TPRKB: variants seen among roughly 807,000 people sequenced by gnomAD.
TPRKB encodes the protein EKC/KEOPS complex subunit TPRKB.
Under a neutral mutation model 17.8 loss-of-function variants are expected in TPRKB, and 11 were observed. The observed-to-expected ratio is 0.62, with a 90% confidence interval of 0.39 to 1.02. The LOEUF (loss-of-function observed/expected upper bound fraction) is 1.02. TPRKB is among the 50% of genes least tolerant of loss of function. TPRKB has a pLI of 0.00. For synonymous variants in TPRKB, 71 were observed against 69.5 expected, an observed-to-expected ratio of 1.02 and a Z score of -0.11; for missense variants, 228 against 198.0, an observed-to-expected ratio of 1.15 and a Z score of -0.91.
chr2:73,729,914 T>C lies in TPRKB; in HGVS notation c.*29A>G, dbSNP rs1223069696. 3 of 1,508,530 alleles carry C rather than the reference T, an allele frequency of 2.0e-6. No individual in the cohort carries two copies. The highest frequency in any genetic ancestry group is 2.8e-5 in the African/African-American group (2 of 72,168). 93.4% of individuals were successfully genotyped at this position (1,508,530 alleles called of 1,614,324 possible). A position where few individuals can be genotyped will look rare whatever the true frequency, so the allele number is the denominator to read the frequency against. On this transcript the variant is annotated 3_prime_UTR_variant, in exon 5 of 5. Coordinates refer to ENST00000272424, the MANE Select transcript of TPRKB (RefSeq NM_016058.5). ...GGAAAATCAATGTTTTCTTTAATGC[T>C]GAGAATTTTTGTTAATATTTCTGAC...
intron 1 of TPRKB, among the ~76,000 whole-genome samples, 186 bp from the exon 2 acceptor site, chr2:73,734,777 T>C (rs1671803698): frequency 6.6e-6 from 1 of 152,240 alleles, no homozygotes; most frequent in African/African-American, 2.4e-5. Context: ...AGTTGTTCTG[T>C]TGTCATCCCC....
intron 2 of TPRKB, 67 bp downstream of exon 2, chr2:73,734,362 G>C (rs1215185533): frequency 2.0e-6 from 3 of 1,521,070 alleles, no homozygotes; most frequent in Non-Finnish European, 2.7e-6. Context: ...GCCTCCTAAA[G>C]TGCTGGCATT....
rs373441862 is a variant in TPRKB at position 73,729,935 on chromosome 2, C to A, written c.*8G>T. 4 of 1,516,828 alleles carry A rather than the reference C, an allele frequency of 2.6e-6. No homozygotes were observed. In the African/African-American group the frequency reaches 4.2e-5, roughly 16 times the overall value. 94.0% of individuals were successfully genotyped at this position (1,516,828 alleles called of 1,614,324 possible). A position where few individuals can be genotyped will look rare whatever the true frequency, so the allele number is the denominator to read the frequency against. ...ATGCTGAGAATTTTTGTTAATATTT[C>A]TGACATTTCATAAAACATCTTTTGT... On this transcript the variant is annotated 3_prime_UTR_variant, in exon 5 of 5. Coordinates refer to ENST00000272424, the MANE Select transcript of TPRKB (RefSeq NM_016058.5).
At chr2:73,734,266 T>C (rs1365680709) in intron 2 of TPRKB, among the ~76,000 whole-genome samples, 163 bp downstream of exon 2, 1 of 151,832 alleles carries the variant, frequency 6.6e-6, no homozygotes, top group Admixed American at 6.6e-5. Flanking sequence ...GCCCAGCTAA[T>C]TTTTGTATTT....
rs2103832686 is a variant in TPRKB at position 73,729,923 on chromosome 2, T to C, written c.*20A>G. The C allele has an allele frequency of 6.6e-7, 1 of 1,525,498 alleles. No individual in the cohort carries two copies. The highest frequency in any genetic ancestry group is 1.2e-5 in the South Asian group (1 of 80,782). The allele number at this position is 1,525,498 out of a possible 1,614,324, so 94.5% of individuals were successfully genotyped here. A position where few individuals can be genotyped will look rare whatever the true frequency, so the allele number is the denominator to read the frequency against. ...ATGTTTTCTTTAATGCTGAGAATTT[T>C]TGTTAATATTTCTGACATTTCATAA... On this transcript the variant is annotated 3_prime_UTR_variant, in exon 5 of 5. Coordinates refer to ENST00000272424, the MANE Select transcript of TPRKB (RefSeq NM_016058.5).
At chr2:73,733,765 C>T (rs1671741911) in intron 2 of TPRKB, among the ~76,000 whole-genome samples, 1 of 150,104 alleles carries the variant, frequency 6.7e-6, no homozygotes, top group South Asian at 2.1e-4. Flanking sequence ...TACCCTATAA[C>T]ATCACAAATA....
intron 2 of TPRKB, among the ~76,000 whole-genome samples, chr2:73,733,246 G>GTTTTTTTTTTTTTTTTTTTTTT (rs3076394): frequency 1.7e-5 from 2 of 119,378 alleles, no homozygotes. Context: ...CGTGTGCCCT[G>GTTTTTTTTTTTTTTTTTTTTTT]TTTTTTTGTT....
chr2:73,732,781 T>A (rs989475861), intron 2 of TPRKB: 9 of 152,886 alleles, frequency 5.9e-5, no homozygotes, highest in African/African-American at 2.2e-4. Context: ...ATTTTAAAGC[T>A]GCAAGGAACT....
intron 3 of TPRKB, 169 bp downstream of exon 3, chr2:73,731,990 ACTGT>A (rs1671632524): frequency 4.8e-6 from 3 of 630,888 alleles, no homozygotes; most frequent in Non-Finnish European, 7.7e-6. Context: ...TCATATGTAA[ACTGT>A]CTTAGTAAGA....
rs770892101 is a variant in TPRKB, at chr2:73,734,561, T to C, written c.9A>G (p.Leu3=). 6.2e-7 allele frequency: 1 copy of C among 1,609,126 alleles called. No individual in the cohort carries two copies. Among genetic ancestry groups the C allele is most frequent in the South Asian group, 1.1e-5 (1 of 89,954 alleles). Residue 3 remains leucine (L), a synonymous_variant, in exon 2 of 5, where the codon TTA becomes TTG. Coordinates refer to ENST00000272424, the MANE Select transcript of TPRKB (RefSeq NM_016058.5). ...CGGGAAATAGGTCCAGCTGATGTGT[T>C]AACTGCATTTCACAGATAAGCAGGA... MQ[L]THQLDLFPEC...
chr2:73,729,998 A>G lies in TPRKB; in HGVS notation c.473T>C (p.Ile158Thr). ...AATGATAGCATCCAATAATGTCCCA[A>G]TACTTTCTTCTTGTGAAGAGAGTTT... ...IYKLSSQEESIGTLLDAIICR... is the reference protein window; with the variant it reads ...IYKLSSQEESTGTLLDAIICR... The change falls in exon 5 of 5, where the codon ATT becomes ACT. Residue 158 changes from isoleucine (I) to threonine (T), a missense_variant. Transcript: ENST00000272424. The G allele has an allele frequency of 1.3e-6, 2 of 1,575,118 alleles. No individual in the cohort carries two copies. Among genetic ancestry groups the G allele is most frequent in the East Asian group, 2.3e-5 (1 of 44,014 alleles).
chr2:73,736,935 C>G (rs1671911891), intron 1 of TPRKB, among the ~76,000 whole-genome samples: 1 of 152,140 alleles, frequency 6.6e-6, no homozygotes, highest in Non-Finnish European at 1.5e-5. Flanking sequence ...CCCTATCGGA[C>G]AGGTAGTTCC....
In TPRKB at chr2:73,733,450, G is replaced by T. The variant is rs772353022; in HGVS notation, c.141+979C>A. Reference sequence around the variant, plus strand: ...CTTTTTGTATTTTTAGTAGAGACACGGTTTCACTATGTAGGCCAGGCTGGT... The same window carrying T: ...CTTTTTGTATTTTTAGTAGAGACACTGTTTCACTATGTAGGCCAGGCTGGT... On this transcript the variant is annotated intron_variant, in intron 2 of 4. Transcript: ENST00000272424. Among the ~76,000 whole-genome samples the T allele has an allele frequency of 1.3e-5, 2 of 151,940 alleles. 1 individual carries two copies. The highest frequency in any genetic ancestry group is 2.9e-5 in the Non-Finnish European group (2 of 67,976).
intron 4 of TPRKB, 163 bp from the exon 5 acceptor site, chr2:73,730,192 A>G: frequency 1.2e-6 from 1 of 827,984 alleles, no homozygotes; most frequent in Non-Finnish European, 1.7e-6. Flanking sequence ...AGGGCAATTC[A>G]TTACTTGTAT....
intron 2 of TPRKB, 22 bp downstream of exon 2, chr2:73,734,407 C>A: frequency 6.2e-7 from 1 of 1,602,338 alleles, no homozygotes; most frequent in Non-Finnish European, 8.5e-7. Context: ...CAGGCTCATT[C>A]ATTCTTAAAA....
At chr2:73,736,031 AAC>A (rs1287094633) in intron 1 of TPRKB, among the ~76,000 whole-genome samples, 69 of 152,348 alleles carry the variant, frequency 4.5e-4, no homozygotes, top group African/African-American at 1.5e-3. Context: ...TGGAAAACAA[AAC>A]ACAAACTGGC....
In TPRKB at chr2:73,730,650, T is replaced by C. The variant is rs1293101426; in HGVS notation, c.351A>G (p.Ile117Met). Residue 117 changes from isoleucine to methionine, a missense_variant, in exon 4 of 5, where the codon ATA (isoleucine) becomes ATG (methionine). Coordinates refer to ENST00000272424, the MANE Select transcript of TPRKB (RefSeq NM_016058.5). ...IVYIEEGEKQINQEYLISQVE... is the reference protein window; with the variant it reads ...IVYIEEGEKQMNQEYLISQVE... ...CTTGAGATATTAGGTATTCTTGATTTATTTGTTTTTCTCCCTCTTCAATGT... is the reference window on the plus strand; with the variant it reads ...CTTGAGATATTAGGTATTCTTGATTCATTTGTTTTTCTCCCTCTTCAATGT... 1.3e-5 allele frequency: 20 copies of C among 1,592,940 alleles called. No individual in the cohort carries two copies. Among genetic ancestry groups the C allele is most frequent in the Non-Finnish European group, 1.7e-5 (20 of 1,172,922 alleles).
intron 3 of TPRKB, chr2:73,731,230 T>C (rs1420727380): frequency 6.6e-6 from 1 of 152,494 alleles, no homozygotes; most frequent in African/African-American, 2.4e-5. Flanking sequence ...TTCATTGCTG[T>C]ACCCCTAGAT....
At chr2:73,736,371 A>G (rs1213823630) in intron 1 of TPRKB, among the ~76,000 whole-genome samples, 1 of 152,236 alleles carries the variant, frequency 6.6e-6, no homozygotes, top group Non-Finnish European at 1.5e-5. Flanking sequence ...ATATAAAAGA[A>G]AATATTTTGT....
Sources: gnomAD v4.1 joint callset for allele counts (sites outside exome capture counted in the v4.1 genomes callset) on GRCh38, gnomAD v4.1.1 for gene constraint, MANE v1.5 for transcripts, NCBI Gene and HGNC (gene_info 2026-07-23, HGNC 2026-07-21) for gene names.